Variants in CELSR1 observed in about 807,000 individuals in gnomAD.
CELSR1 encodes adhesion G protein-coupled receptor C1.
In CELSR1, 110 loss-of-function variants were observed where a neutral mutation model predicts 249.1. That is an observed-to-expected ratio of 0.44 (90% CI 0.38 to 0.52). The LOEUF (loss-of-function observed/expected upper bound fraction) is 0.52, where lower values mean the gene tolerates loss of function less well. CELSR1 is among the 20% of genes least tolerant of loss of function. CELSR1 has a pLI of 0.00. For missense variants in CELSR1, 4,109 were observed against 4,296.4 expected (o/e 0.96, Z 1.22); for synonymous variants, 2,113 against 1,900.0 (o/e 1.11, Z -2.92).
At chr22:46,367,609 C>G in intron 28 of CELSR1, 120 bp downstream of exon 28, 1 of 1,391,550 alleles carries the variant, frequency 7.2e-7, no homozygotes, top group East Asian at 2.5e-5. Context: ...ACAGGAGGCC[C>G]CCACGCGGGA....
At position 46,527,288 on chromosome 22, in the gene CELSR1, T is replaced by A. The variant is rs2080747652; in HGVS notation, c.3544+6339A>T. On this transcript the variant is annotated intron_variant, in intron 1 of 34. Transcript: ENST00000674500. The surrounding 1 kb of genome is among the most constrained non-coding windows in gnomAD (Gnocchi z 5.5). ...AGCCACCCCCATGCTGGAGCAAGCA[T>A]GATGTCCCCAGCTTCCCTCCCCTCC... Among the ~76,000 whole-genome samples, 1 of 152,064 alleles carries A rather than the reference T, an allele frequency of 6.6e-6. No homozygotes were observed. Among genetic ancestry groups the A allele is most frequent in the African/African-American group, 2.4e-5 (1 of 41,386 alleles).
At chr22:46,373,170 T>C (rs1261802007) in intron 24 of CELSR1, 113 bp from the exon 25 acceptor site, 5 of 1,149,906 alleles carry the variant, frequency 4.3e-6, no homozygotes, top group Non-Finnish European at 6.0e-6. Context: ...ACCCTATGTG[T>C]CTGTCCTCAG....
At chr22:46,532,137 G>A (rs1185920787) in intron 1 of CELSR1, among the ~76,000 whole-genome samples, 1 of 152,168 alleles carries the variant, frequency 6.6e-6, no homozygotes, top group Admixed American at 6.5e-5. Flanking sequence ...AAACATCCCT[G>A]CCCCCAGCAT....
chr22:46,384,896 A>G (rs903814233), intron 19 of CELSR1, among the ~76,000 whole-genome samples: 2 of 84,462 alleles, frequency 2.4e-5, no homozygotes, highest in Admixed American at 9.3e-5. Context: ...TTCAAGCAAT[A>G]TCTCCTGCCT....
chr22:46,531,770 C>T (rs34083227), intron 1 of CELSR1, among the ~76,000 whole-genome samples: 20,887 of 151,972 alleles, frequency 0.14, 2,005 homozygotes, highest in African/African-American at 0.25. Flanking sequence ...CACATGAGAG[C>T]GCAAATAAAA....
In CELSR1 at chr22:46,454,827, T is replaced by G. The variant is rs2079928344; in HGVS notation, c.4183+8880A>C. Among the ~76,000 whole-genome samples the G allele has an allele frequency of 6.6e-6, 1 of 152,214 alleles. No homozygotes were observed. Among genetic ancestry groups the G allele is most frequent in the Non-Finnish European group, 1.5e-5 (1 of 68,030 alleles). ...CCAACAGCCCTGGTTCCCAAACTCCTTAGCTCCTCAGCGAAGGAGCACCCA... is the reference window on the plus strand; with the variant it reads ...CCAACAGCCCTGGTTCCCAAACTCCGTAGCTCCTCAGCGAAGGAGCACCCA... On this transcript the variant is annotated intron_variant, in intron 2 of 34. Transcript: ENST00000674500. The surrounding 1 kb of genome is among the most constrained non-coding windows in gnomAD (Gnocchi z 5.1).
chr22:46,536,335 C>G lies in CELSR1; in HGVS notation c.836G>C (p.Arg279Pro). 6.2e-7 allele frequency: 1 copy of G among 1,612,716 alleles called. No homozygotes were observed. Among genetic ancestry groups the G allele is most frequent in the Non-Finnish European group, 8.5e-7 (1 of 1,179,868 alleles). The change falls in exon 1 of 35, where the codon CGC becomes CCC. Residue 279 changes from arginine to proline, a missense_variant. Physicochemically the swap from Arg to Pro is moderately radical, Grantham distance 103. Transcript: ENST00000674500. ...AHYTIEGEEE[R>P]VSYYMEGLFD... ...CAGCCCCTCCATGTAATAGCTCACG[C>G]GCTCCTCCTCGCCCTCGATGGTGTA...
chr22:46,474,737 CTCCT>C (rs68123728), intron 1 of CELSR1, among the ~76,000 whole-genome samples: 100,010 of 142,432 alleles, frequency 0.7, 35,141 homozygotes, highest in East Asian at 0.85. Context: ...CCCCCTCTTC[CTCCT>C]TCCTCACCTC....
Position 46,484,937 on chromosome 22 carries a change from A to C in CELSR1, c.3545-20592T>G, listed in dbSNP as rs1303012389. 6.6e-6 allele frequency among the ~76,000 whole-genome samples: 1 copy of C among 151,832 alleles called. No homozygotes were observed. The highest frequency in any genetic ancestry group is 6.6e-5 in the Admixed American group (1 of 15,222). ...CTTGCATTGAAACTGCTGAGAACAGAAAAGCTGAGATTTCGTTTTTCTAGT... is the reference window on the plus strand; with the variant it reads ...CTTGCATTGAAACTGCTGAGAACAGCAAAGCTGAGATTTCGTTTTTCTAGT... On this transcript the variant is annotated intron_variant, in intron 1 of 34. Coordinates refer to ENST00000674500, the MANE Select transcript of CELSR1 (RefSeq NM_001378328.1). This position sits in a 1 kb window ranked among gnomAD's most constrained non-coding sequence, Gnocchi z 4.5.
Position 46,409,376 on chromosome 22 carries a change from G to C in CELSR1, c.5060-214C>G, listed in dbSNP as rs1454766472. 6.6e-6 allele frequency among the ~76,000 whole-genome samples: 1 copy of C among 152,186 alleles called. No individual in the cohort carries two copies. Among genetic ancestry groups the C allele is most frequent in the Admixed American group, 6.5e-5 (1 of 15,286 alleles). On this transcript the variant is annotated intron_variant, in intron 8 of 34. Coordinates refer to ENST00000674500, the MANE Select transcript of CELSR1 (RefSeq NM_001378328.1). The surrounding 1 kb of genome is among the most constrained non-coding windows in gnomAD (Gnocchi z 9.8). ...CGCACCCTGGGACGTGAGCCTCCTT[G>C]CTGGGAAGCATGAAGATCTGCAGGC...
At position 46,410,991 on chromosome 22, in the gene CELSR1, AG is replaced by A. The variant is rs1253962011; in HGVS notation, c.4770-431del. 1.3e-5 allele frequency among the ~76,000 whole-genome samples: 2 copies of A among 152,108 alleles called. No homozygotes were observed. Among genetic ancestry groups the A allele is most frequent in the Non-Finnish European group, 2.9e-5 (2 of 68,022 alleles). ...GGGAGGCTGAGGCGGGCAGATCACG[AG>A]GTCAAGAGATCGAGACCATCCTGGC... On this transcript the variant is annotated intron_variant, in intron 6 of 34. Coordinates refer to ENST00000674500, the MANE Select transcript of CELSR1 (RefSeq NM_001378328.1). The surrounding 1 kb of genome is among the most constrained non-coding windows in gnomAD (Gnocchi z 6.8).
At position 46,446,971 on chromosome 22, in the gene CELSR1, C is replaced by T. The variant is rs949438460; in HGVS notation, c.4184-7560G>A. ...TCCCCTGAGGGTTGGTGGTTAAGCA[C>T]TTGCAGCACAGCCCTGCACAGAAGA... On this transcript the variant is annotated intron_variant, in intron 2 of 34. Coordinates refer to ENST00000674500, the MANE Select transcript of CELSR1 (RefSeq NM_001378328.1). This position sits in a 1 kb window ranked among gnomAD's most constrained non-coding sequence, Gnocchi z 5.5. Among the ~76,000 whole-genome samples the T allele has an allele frequency of 6.6e-5, 10 of 152,080 alleles. No individual in the cohort carries two copies. Among genetic ancestry groups the T allele is most frequent in the African/African-American group, 2.2e-4 (9 of 41,408 alleles).
rs754012847 is a variant in CELSR1 at position 46,380,545 on chromosome 22, G to A, written c.7256+243C>T. Reference sequence around the variant, plus strand: ...TCAGCCTTGAGGGATCTCTCTGTGCGCCTGCACATCTGTATCTCCACGTGC... The same window carrying A: ...TCAGCCTTGAGGGATCTCTCTGTGCACCTGCACATCTGTATCTCCACGTGC... On this transcript the variant is annotated intron_variant, in intron 22 of 34. Transcript: ENST00000674500. The surrounding 1 kb of genome is among the most constrained non-coding windows in gnomAD (Gnocchi z 5.1). Among the ~76,000 whole-genome samples the A allele has an allele frequency of 2.0e-5, 3 of 152,212 alleles. No homozygotes were observed.
intron 25 of CELSR1, 137 bp downstream of exon 25, chr22:46,372,746 G>A (rs959083695): frequency 1.2e-5 from 14 of 1,123,498 alleles, no homozygotes; most frequent in Non-Finnish European, 1.6e-5. Context: ...GCAGTGTGCA[G>A]GGCCGAGGCC....
intron 1 of CELSR1, among the ~76,000 whole-genome samples, chr22:46,467,902 G>T (rs2080114522): frequency 6.6e-6 from 1 of 152,078 alleles, no homozygotes; most frequent in African/African-American, 2.4e-5. Context: ...GGCAGGGAGT[G>T]AACCACCTTT....
rs1396597299 is a variant in CELSR1, at chr22:46,410,785, A to G, written c.4770-224T>C. Among the ~76,000 whole-genome samples, 1 of 151,854 alleles carries G rather than the reference A, an allele frequency of 6.6e-6. No individual in the cohort carries two copies. The highest frequency in any genetic ancestry group is 1.5e-5 in the Non-Finnish European group (1 of 67,984). ...TCAGTCCTGACGATCTGGGTGTTTC[A>G]CGCTCACCAGTGACCACCAAGCCCC... On this transcript the variant is annotated intron_variant, in intron 6 of 34. Transcript: ENST00000674500. The surrounding 1 kb of genome is among the most constrained non-coding windows in gnomAD (Gnocchi z 6.8).
intron 1 of CELSR1, among the ~76,000 whole-genome samples, chr22:46,498,249 C>CAAA (rs201495106): frequency 1.0e-4 from 6 of 57,818 alleles, no homozygotes; most frequent in African/African-American, 2.4e-4. Flanking sequence ...AACTCTGTCT[C>CAAA]AAAAAAAAAA....
chr22:46,481,786 T>C (rs2080269355), intron 1 of CELSR1: 1 of 214,988 alleles, frequency 4.7e-6, no homozygotes, highest in South Asian at 8.3e-5. Flanking sequence ...TTCTAAATCT[T>C]TTTTTTTTTT....
At chr22:46,365,140 T>C (rs1049402392) in intron 32 of CELSR1, 91 bp downstream of exon 32, 4 of 1,484,702 alleles carry the variant, frequency 2.7e-6, no homozygotes, top group Non-Finnish European at 3.6e-6. Context: ...GCTGGGCATA[T>C]CCTGGGAGGA....
Sources: gnomAD v4.1 joint callset for allele counts (sites outside exome capture counted in the v4.1 genomes callset) on GRCh38, gnomAD v4.1.1 for gene constraint, Gnocchi (gnomAD v3.1) non-coding constraint, MANE v1.5 for transcripts, NCBI Gene and HGNC (gene_info 2026-07-23, HGNC 2026-07-21) for gene names.